FAM171A1: variants seen among roughly 807,000 people sequenced by gnomAD.
The protein encoded by FAM171A1 is family with sequence similarity 171 member A1, also known as protein FAM171A1.
In FAM171A1, 23 loss-of-function variants were observed where a neutral mutation model predicts 74.9. The ratio of observed to expected loss-of-function variants is 0.31; its 90% confidence interval spans 0.22 to 0.44. The LOEUF (loss-of-function observed/expected upper bound fraction) is 0.44, where lower values mean the gene tolerates loss of function less well. FAM171A1 is among the 20% of genes least tolerant of loss of function. The probability of loss-of-function intolerance (pLI) is 1.00; values close to 1 mark genes in which losing one functional copy is unlikely to be tolerated. For synonymous variants in FAM171A1, 527 were observed against 505.7 expected (o/e 1.04, Z -0.57); for missense variants, 1,162 against 1,159.2 (o/e 1.00, Z -0.03).
intron 4 of FAM171A1, 51 bp from the exon 5 acceptor site, chr10:15,248,866 G>T (rs768202849): frequency 4.6e-6 from 7 of 1,534,508 alleles, no homozygotes; most frequent in Admixed American, 2.0e-5. Flanking sequence ...ACCCATGTGG[G>T]GCTGTGGAAA....
intron 5 of FAM171A1, among the ~76,000 whole-genome samples, chr10:15,223,830 C>T (rs796586020): frequency 3.2e-4 from 48 of 152,238 alleles, no homozygotes; most frequent in African/African-American, 1.1e-3. Flanking sequence ...ACCTGTGAGG[C>T]GGAGGTTGCG....
Position 15,354,772 on chromosome 10 carries a change from G to C in FAM171A1, c.97+16184C>G, listed in dbSNP as rs151086410. ...AATAACGATACTTTCACTAAGACTT[G>C]TCAACAGACGATAGGTGAATGGTAC... On this transcript the variant is annotated intron_variant, in intron 1 of 7. Coordinates refer to ENST00000378116, the MANE Select transcript of FAM171A1 (RefSeq NM_001010924.2). Among the ~76,000 whole-genome samples the C allele has an allele frequency of 2.4e-3, 370 of 152,258 alleles. 1 individual carries two copies. The highest frequency in any genetic ancestry group is 6.8e-3 in the Middle Eastern group (2 of 294).
At chr10:15,243,995 C>T (rs1421494742) in intron 5 of FAM171A1, among the ~76,000 whole-genome samples, 1 of 152,116 alleles carries the variant, frequency 6.6e-6, no homozygotes, top group Non-Finnish European at 1.5e-5. Context: ...CGTGATCTGC[C>T]CACCTTGGCC....
chr10:15,354,760 T>C (rs1408888010), intron 1 of FAM171A1, among the ~76,000 whole-genome samples: 4 of 152,158 alleles, frequency 2.6e-5, no homozygotes, highest in Non-Finnish European at 4.4e-5. Context: ...AACGATACTT[T>C]CACTAAGACT....
chr10:15,327,906 T>G (rs1835575550), intron 1 of FAM171A1, among the ~76,000 whole-genome samples: 1 of 147,276 alleles, frequency 6.8e-6, no homozygotes, highest in African/African-American at 2.5e-5. Context: ...ATCACAAACC[T>G]GTACATGTAT....
intron 3 of FAM171A1, among the ~76,000 whole-genome samples, chr10:15,263,363 C>A (rs1456992931): frequency 1.3e-5 from 2 of 152,174 alleles, no homozygotes; most frequent in African/African-American, 2.4e-5. Flanking sequence ...TACTACCAAA[C>A]CCCTCCCCAC....
chr10:15,213,161 C>T lies in FAM171A1; in HGVS notation c.2427G>A (p.Glu809=), dbSNP rs1833914606. Residue 809 remains glutamate (E), a synonymous_variant, in exon 8 of 8, where the codon GAG becomes GAA. Transcript: ENST00000378116. The surrounding 1 kb of genome is among the most constrained non-coding windows in gnomAD (Gnocchi z 6.8). ...CCAACAAGCATCGCAGGGCACTGTC[C>T]TCGGGGGTACAGACCGTGGTCCCAC... ...SECGTTVCTP[E]DSALRCLLEG... is the part of the protein sequence containing the mutation. 1 of 1,614,064 alleles carries T rather than the reference C, an allele frequency of 6.2e-7. No individual in the cohort carries two copies. The highest frequency in any genetic ancestry group is 1.1e-5 in the South Asian group (1 of 91,086).
intron 1 of FAM171A1, among the ~76,000 whole-genome samples, chr10:15,347,309 A>C (rs1321813413): frequency 1.3e-5 from 2 of 152,216 alleles, no homozygotes; most frequent in African/African-American, 4.8e-5. Flanking sequence ...ATGAAGTACA[A>C]ACTGGACCTA....
At chr10:15,339,250 A>G (rs1303278692) in intron 1 of FAM171A1, among the ~76,000 whole-genome samples, 1 of 152,238 alleles carries the variant, frequency 6.6e-6, no homozygotes, top group East Asian at 1.9e-4. Flanking sequence ...ATTAGTTGCA[A>G]TTAGTGAACC....
chr10:15,226,187 C>T (rs757085444), intron 5 of FAM171A1, among the ~76,000 whole-genome samples: 15 of 152,274 alleles, frequency 9.9e-5, no homozygotes, highest in South Asian at 2.1e-4. Context: ...CTGCAGAAGC[C>T]GCACCACTGC....
At chr10:15,350,049 G>A (rs1443719674) in intron 1 of FAM171A1, among the ~76,000 whole-genome samples, 2 of 152,060 alleles carry the variant, frequency 1.3e-5, no homozygotes, top group Admixed American at 6.6e-5. Context: ...AGATAGATCA[G>A]ACACGGCACC....
rs913984300 is a variant in FAM171A1 at position 15,354,140 on chromosome 10, C to T, written c.97+16816G>A. Among the ~76,000 whole-genome samples, 65 of 152,134 alleles carry T rather than the reference C, an allele frequency of 4.3e-4. 1 individual carries two copies. Among genetic ancestry groups the T allele is most frequent in the African/African-American group, 1.5e-3 (64 of 41,422 alleles). ...GTCACATCTGGTGGCCCAAAACTCTCGCCATGCTTGCACTCCAGATCCCTC... is the reference window on the plus strand; with the variant it reads ...GTCACATCTGGTGGCCCAAAACTCTTGCCATGCTTGCACTCCAGATCCCTC... On this transcript the variant is annotated intron_variant, in intron 1 of 7. Coordinates refer to ENST00000378116, the MANE Select transcript of FAM171A1 (RefSeq NM_001010924.2).
At chr10:15,251,815 C>T (rs1223173623) in intron 4 of FAM171A1, among the ~76,000 whole-genome samples, 9 of 152,158 alleles carry the variant, frequency 5.9e-5, no homozygotes, top group Non-Finnish European at 1.2e-4. Flanking sequence ...AGAAAGTGGT[C>T]ATCCTTCCCG....
chr10:15,241,784 G>A (rs1412650784), intron 5 of FAM171A1: 1 of 151,970 alleles, frequency 6.6e-6, no homozygotes. Flanking sequence ...TAAATTTTAA[G>A]TATACAGTAC....
In FAM171A1 at chr10:15,214,068, G is replaced by A; in HGVS notation, c.1520C>T (p.Ala507Val). 6.2e-7 allele frequency: 1 copy of A among 1,614,218 alleles called. No individual in the cohort carries two copies. The highest frequency in any genetic ancestry group is 8.5e-7 in the Non-Finnish European group (1 of 1,180,036). ...LFEKQDREGP[A>V]STGSKLTIQE... ...AATGGTGAGTTTGCTTCCCGTGGAG[G>A]CTGGACCTTCTCTGTCCTGCTTTTC... Residue 507 changes from alanine (A) to valine (V), a missense_variant, in exon 8 of 8, where the codon GCC becomes GTC. Physicochemically the swap from Ala to Val is moderately conservative, Grantham distance 64. Coordinates refer to ENST00000378116, the MANE Select transcript of FAM171A1 (RefSeq NM_001010924.2).
intron 3 of FAM171A1, among the ~76,000 whole-genome samples, chr10:15,263,068 G>A (rs1304930996): frequency 6.6e-6 from 1 of 152,230 alleles, no homozygotes. Context: ...AGGACCATCT[G>A]GGAAACATGA....
At chr10:15,279,832 C>A (rs116721215) in intron 2 of FAM171A1, among the ~76,000 whole-genome samples, 255 of 152,184 alleles carry the variant, frequency 1.7e-3, no homozygotes, top group African/African-American at 5.8e-3. Context: ...GCAAGACAAT[C>A]GCTTCAACCC....
At chr10:15,357,130 CAT>C (rs947458829) in intron 1 of FAM171A1, among the ~76,000 whole-genome samples, 1 of 150,400 alleles carries the variant, frequency 6.6e-6, no homozygotes, top group African/African-American at 2.4e-5. Flanking sequence ...AAATACAAAA[CAT>C]ATTAGCCAGG....
chr10:15,368,986 G>A (rs898964732), intron 1 of FAM171A1, among the ~76,000 whole-genome samples: 2 of 152,108 alleles, frequency 1.3e-5, no homozygotes, highest in Non-Finnish European at 2.9e-5. Flanking sequence ...CCTTACAGTA[G>A]ATAACAACAA....
Sources: gnomAD v4.1 joint callset for allele counts (sites outside exome capture counted in the v4.1 genomes callset) on GRCh38, gnomAD v4.1.1 for gene constraint, Gnocchi (gnomAD v3.1) non-coding constraint, MANE v1.5 for transcripts, NCBI Gene and HGNC (gene_info 2026-07-23, HGNC 2026-07-21) for gene names.